Variants in MXI1 observed in about 807,000 individuals in gnomAD.
MXI1 encodes max-interacting protein 1.
MXI1 carries 18 observed loss-of-function variants against 36.9 expected under a neutral mutation model. The ratio of observed to expected loss-of-function variants is 0.49; its 90% CI spans 0.34 to 0.72. MXI1 has a LOEUF of 0.72. Ranked by LOEUF, MXI1 falls within the 30% of genes least tolerant of loss-of-function variation. The probability of loss-of-function intolerance (pLI) is 0.01; values close to 1 mark genes in which losing one functional copy is unlikely to be tolerated. For synonymous variants in MXI1, 160 were observed against 146.7 expected, an observed-to-expected ratio of 1.09 and a Z score of -0.65; for missense variants, 304 against 379.1, an observed-to-expected ratio of 0.80 and a Z score of 1.64.
At chr10:110,230,391 A>G (rs763104137) in intron 2 of MXI1, among the ~76,000 whole-genome samples, 1 of 152,226 alleles carries the variant, frequency 6.6e-6, no homozygotes, top group Non-Finnish European at 1.5e-5. Context: ...TAAAACTGCA[A>G]GCATGCCATA....
chr10:110,270,316 A>G (rs1856816444), intron 3 of MXI1, among the ~76,000 whole-genome samples: 1 of 152,244 alleles, frequency 6.6e-6, no homozygotes, highest in Admixed American at 6.5e-5. Context: ...GGAAGTATGC[A>G]TAGAAACTAA....
intron 1 of MXI1, among the ~76,000 whole-genome samples, chr10:110,211,227 A>T (rs1004956857): frequency 1.3e-5 from 2 of 152,060 alleles, no homozygotes; most frequent in East Asian, 1.9e-4. Flanking sequence ...CTAGAGACAC[A>T]TGGTTTCCAC....
At chr10:110,249,637 T>C (rs148331949) in intron 3 of MXI1, among the ~76,000 whole-genome samples, 2,116 of 150,664 alleles carry the variant, frequency 0.014, 46 homozygotes, top group African/African-American at 0.049. Flanking sequence ...TGAAACTCAC[T>C]AGTGGTCTAT....
rs75236755 is a variant in MXI1, at chr10:110,231,523, T to C, written c.407+3202T>C. Among the ~76,000 whole-genome samples, 200 of 152,330 alleles carry C rather than the reference T, an allele frequency of 1.3e-3. 2 individuals are homozygous for C. The East Asian group carries it at 0.038, about 29-fold the overall frequency. On this transcript the variant is annotated intron_variant, in intron 2 of 5. Transcript: ENST00000332674. ...ATGATATAATGTGATATTACAAATA[T>C]GTTCCTTGCAAATACCAGTAATTTT...
chr10:110,255,758 A>C (rs1301986870), intron 3 of MXI1, among the ~76,000 whole-genome samples: 1 of 152,174 alleles, frequency 6.6e-6, no homozygotes, highest in Non-Finnish European at 1.5e-5. Context: ...ATTGATCTAT[A>C]GATTCAGTGC....
chr10:110,211,260 C>T (rs995426425), intron 1 of MXI1, among the ~76,000 whole-genome samples: 2 of 152,138 alleles, frequency 1.3e-5, no homozygotes, highest in African/African-American at 2.4e-5. Context: ...TTCTTTCCTC[C>T]GACTGGACTT....
At chr10:110,281,149 CTG>C (rs1457172264) in intron 5 of MXI1, among the ~76,000 whole-genome samples, 5 of 152,120 alleles carry the variant, frequency 3.3e-5, no homozygotes, top group Middle Eastern at 6.3e-3. Flanking sequence ...TAATGAACTC[CTG>C]TATACCCACC....
intron 3 of MXI1, among the ~76,000 whole-genome samples, chr10:110,265,678 A>G (rs534879133): frequency 6.6e-6 from 1 of 152,314 alleles, no homozygotes; most frequent in Admixed American, 6.5e-5. Context: ...GTAGAAGACA[A>G]AAGATATTAT....
chr10:110,226,262 T>C, intron 1 of MXI1: 2 of 1,489,558 alleles, frequency 1.3e-6, no homozygotes, highest in Non-Finnish European at 8.9e-7. Context: ...GGCTGCCGAG[T>C]TTTTGGAGCG....
At chr10:110,215,428 A>G (rs944620323) in intron 1 of MXI1, among the ~76,000 whole-genome samples, 11 of 152,150 alleles carry the variant, frequency 7.2e-5, no homozygotes, top group African/African-American at 2.4e-4. Context: ...CATCATCTGT[A>G]CAGTCATGGA....
chr10:110,226,446 G>T (rs1363462991), intron 1 of MXI1: 3 of 448,120 alleles, frequency 6.7e-6, no homozygotes, highest in Admixed American at 1.3e-4. Context: ...AGGAGCGCGC[G>T]TGTGTGGGGA....
intron 5 of MXI1, among the ~76,000 whole-genome samples, chr10:110,281,301 T>C (rs1290593997): frequency 6.6e-6 from 1 of 152,164 alleles, no homozygotes; most frequent in Admixed American, 6.5e-5. Context: ...CTTGAATAAA[T>C]AGGATTTTTA....
intron 3 of MXI1, among the ~76,000 whole-genome samples, chr10:110,270,416 TG>T (rs1411747492): frequency 1.3e-5 from 2 of 151,888 alleles, no homozygotes; most frequent in African/African-American, 4.8e-5. Context: ...GAAGAACAAA[TG>T]CCTCTGGAAC....
intron 1 of MXI1, chr10:110,225,923 G>C (rs1854948626): frequency 1.3e-6 from 1 of 782,858 alleles, no homozygotes; most frequent in Non-Finnish European, 1.6e-6. Flanking sequence ...TTTCCCAGGG[G>C]GCAGAGGCAG....
chr10:110,275,775 C>G (rs1857006451), intron 3 of MXI1, among the ~76,000 whole-genome samples: 1 of 152,178 alleles, frequency 6.6e-6, no homozygotes, highest in African/African-American at 2.4e-5. Context: ...ACACCTCTGT[C>G]CACAAGAGCA....
intron 3 of MXI1, among the ~76,000 whole-genome samples, chr10:110,262,301 A>T (rs1009932630): frequency 6.6e-6 from 1 of 152,154 alleles, no homozygotes; most frequent in South Asian, 2.1e-4. Flanking sequence ...AGATGATTTA[A>T]GGTATAGAGG....
intron 3 of MXI1, among the ~76,000 whole-genome samples, chr10:110,271,275 G>A (rs1370193324): frequency 6.6e-6 from 1 of 152,060 alleles, no homozygotes; most frequent in African/African-American, 2.4e-5. Flanking sequence ...ATGCTGGCCT[G>A]GCATCTGATT....
chr10:110,219,236 C>T (rs1237695262), intron 1 of MXI1, among the ~76,000 whole-genome samples: 1 of 152,122 alleles, frequency 6.6e-6, no homozygotes, highest in African/African-American at 2.4e-5. Flanking sequence ...AGAGGCGGAG[C>T]TTGCAGTGAG....
At chr10:110,225,137 C>A (rs1854921483) in intron 1 of MXI1, among the ~76,000 whole-genome samples, 1 of 152,204 alleles carries the variant, frequency 6.6e-6, no homozygotes, top group Non-Finnish European at 1.5e-5. Flanking sequence ...GGTCTGCGTC[C>A]GTTTCTCTCT....
Sources: gnomAD v4.1 joint callset for allele counts (sites outside exome capture counted in the v4.1 genomes callset) on GRCh38, gnomAD v4.1.1 for gene constraint, MANE v1.5 for transcripts, NCBI Gene and HGNC (gene_info 2026-07-23, HGNC 2026-07-21) for gene names.